Variants in AUTS2 observed in about 807,000 individuals in gnomAD.
The protein encoded by AUTS2 is activator of transcription and developmental regulator AUTS2, also known as autism susceptibility gene 2 protein.
A neutral mutation model predicts 112.4 loss-of-function variants in AUTS2; 17 were observed. That is an observed-to-expected ratio of 0.15 (90% CI 0.10 to 0.23). The LOEUF (loss-of-function observed/expected upper bound fraction) is 0.23. Among genes scored for constraint, AUTS2 ranks in the 10% least tolerant of loss-of-function variants. The pLI is 1.00. For synonymous variants in AUTS2, 751 were observed against 702.7 expected (o/e 1.07, Z -1.09); for missense variants, 1,510 against 1,701.6 (o/e 0.89, Z 1.98).
At chr7:70,533,683 T>G (rs1800189955) in intron 5 of AUTS2, among the ~76,000 whole-genome samples, 1 of 152,164 alleles carries the variant, frequency 6.6e-6, no homozygotes, top group Non-Finnish European at 1.5e-5. Flanking sequence ...ACAGAAGAGA[T>G]CAAACCTAGA....
chr7:70,090,519 A>G, intron 2 of AUTS2, among the ~76,000 whole-genome samples: 1 of 152,034 alleles, frequency 6.6e-6, no homozygotes, highest in Non-Finnish European at 1.5e-5. Context: ...GCGCACCACC[A>G]TGCCCAGCTA....
At chr7:70,197,530 G>A (rs1299977495) in intron 4 of AUTS2, among the ~76,000 whole-genome samples, 2 of 128,560 alleles carry the variant, frequency 1.6e-5, no homozygotes, top group East Asian at 4.7e-4. Flanking sequence ...CCTCACCTGG[G>A]AAGCGCAAGG....
At chr7:70,175,699 G>A (rs190516972) in intron 4 of AUTS2, among the ~76,000 whole-genome samples, 46 of 152,204 alleles carry the variant, frequency 3.0e-4, no homozygotes, top group African/African-American at 1.0e-3. Flanking sequence ...AAGGATACCT[G>A]CAAAAATCCA....
chr7:69,721,584 A>C (rs1431031208), intron 1 of AUTS2, among the ~76,000 whole-genome samples: 2 of 152,180 alleles, frequency 1.3e-5, no homozygotes, highest in Admixed American at 1.3e-4. Flanking sequence ...TGCCTATCAC[A>C]GTGAGAAGAG....
rs544374538 is a variant in AUTS2 at position 70,114,562 on chromosome 7, G to A, written c.523-3570G>A. ...AATCCCAGCACTTTGGGAGGCCGAG[G>A]TGGGCAGATCACCTGAGGTTGGGGG... On this transcript the variant is annotated intron_variant, in intron 2 of 18. Transcript: ENST00000342771. Among the ~76,000 whole-genome samples, 19 of 152,332 alleles carry A rather than the reference G, an allele frequency of 1.2e-4. No homozygotes were observed. In the East Asian group the frequency reaches 3.5e-3, roughly 28 times the overall value.
chr7:70,304,063 TC>T (rs1411241541), intron 4 of AUTS2, among the ~76,000 whole-genome samples: 3 of 152,166 alleles, frequency 2.0e-5, no homozygotes, highest in African/African-American at 7.2e-5. Context: ...GCCTTGCAGT[TC>T]CATGCTCATC....
intron 4 of AUTS2, among the ~76,000 whole-genome samples, chr7:70,424,320 G>T (rs1429170140): frequency 6.6e-6 from 1 of 152,110 alleles, no homozygotes; most frequent in Non-Finnish European, 1.5e-5. Context: ...TCTCTTTTCG[G>T]TTTCAGCTTG....
chr7:70,207,749 C>T (rs1287589607), intron 4 of AUTS2, among the ~76,000 whole-genome samples: 5 of 152,044 alleles, frequency 3.3e-5, no homozygotes, highest in Non-Finnish European at 7.4e-5. Flanking sequence ...TGGTGGCTCA[C>T]GCCTGTATTC....
intron 5 of AUTS2, among the ~76,000 whole-genome samples, chr7:70,695,673 A>G (rs749421783): frequency 9.2e-4 from 140 of 152,308 alleles, no homozygotes; most frequent in Admixed American, 1.6e-3. Context: ...ACGGCTTTTT[A>G]TAAGTTTTCC....
At chr7:70,091,860 A>C (rs549223038) in intron 2 of AUTS2, among the ~76,000 whole-genome samples, 1 of 152,202 alleles carries the variant, frequency 6.6e-6, no homozygotes, top group Non-Finnish European at 1.5e-5. Context: ...TAGTGCTAAG[A>C]TGATAGGTGT....
chr7:69,784,748 C>G (rs989107268), intron 1 of AUTS2, among the ~76,000 whole-genome samples: 1 of 152,102 alleles, frequency 6.6e-6, no homozygotes, highest in Admixed American at 6.5e-5. Context: ...TGCTTTTTCT[C>G]ATAACATTGG....
At chr7:70,061,886 C>T (rs1482606553) in intron 2 of AUTS2, among the ~76,000 whole-genome samples, 1 of 151,700 alleles carries the variant, frequency 6.6e-6, no homozygotes, top group Non-Finnish European at 1.5e-5. Context: ...CTCCCGGGTT[C>T]AAGCAATTCT....
At chr7:69,699,642 T>G (rs942119119) in intron 1 of AUTS2, among the ~76,000 whole-genome samples, 12 of 148,548 alleles carry the variant, frequency 8.1e-5, no homozygotes, top group African/African-American at 1.5e-4. Flanking sequence ...TGATAATGTT[T>G]TTTTTTTTTT....
chr7:70,290,318 G>T, intron 4 of AUTS2: 2 of 1,443,020 alleles, frequency 1.4e-6, no homozygotes, highest in Non-Finnish European at 1.8e-6. Flanking sequence ...ATATCAGAGG[G>T]CATTTAACAT....
At chr7:70,775,884 G>A (rs1157876385) in intron 13 of AUTS2, among the ~76,000 whole-genome samples, 2 of 152,212 alleles carry the variant, frequency 1.3e-5, no homozygotes, top group Admixed American at 6.5e-5. Flanking sequence ...TGTTCTCGAG[G>A]TCTGGAGACT....
At chr7:70,290,011 CAA>C (rs1403750136) in intron 4 of AUTS2, among the ~76,000 whole-genome samples, 1 of 152,102 alleles carries the variant, frequency 6.6e-6, no homozygotes, top group Non-Finnish European at 1.5e-5. Flanking sequence ...TCAAATTATT[CAA>C]AGTCTTGCAC....
At chr7:70,508,815 G>A (rs1436857800) in intron 5 of AUTS2, among the ~76,000 whole-genome samples, 1 of 152,198 alleles carries the variant, frequency 6.6e-6, no homozygotes, top group Non-Finnish European at 1.5e-5. Context: ...TGGAGAAAGG[G>A]CAAGGTATTA....
intron 1 of AUTS2, among the ~76,000 whole-genome samples, chr7:69,876,911 G>T (rs1793828830): frequency 6.6e-6 from 1 of 152,040 alleles, no homozygotes; most frequent in East Asian, 1.9e-4. Context: ...CTGATGTTTT[G>T]TTGAGTGAAG....
chr7:70,050,816 G>A (rs1005021753), intron 2 of AUTS2, among the ~76,000 whole-genome samples: 3 of 152,094 alleles, frequency 2.0e-5, no homozygotes, highest in Non-Finnish European at 4.4e-5. Flanking sequence ...CCAATATGGC[G>A]AAACCCCACC....
Sources: gnomAD v4.1 joint callset for allele counts (sites outside exome capture counted in the v4.1 genomes callset) on GRCh38, gnomAD v4.1.1 for gene constraint, MANE v1.5 for transcripts, NCBI Gene and HGNC (gene_info 2026-07-23, HGNC 2026-07-21) for gene names.